GPC5: variants seen among roughly 807,000 people sequenced by gnomAD.
The protein encoded by GPC5 is glypican-5.
A neutral mutation model predicts 53.9 loss-of-function variants in GPC5; 47 were observed. That is an observed-to-expected ratio of 0.87 (90% CI 0.69 to 1.11). GPC5 has a LOEUF of 1.11. Ranked by LOEUF, GPC5 falls within the 50% of genes most tolerant of loss-of-function variation. The pLI is 0.00. For synonymous variants in GPC5, 286 were observed against 263.3 expected, an observed-to-expected ratio of 1.09 and a Z score of -0.84; for missense variants, 748 against 713.1, an observed-to-expected ratio of 1.05 and a Z score of -0.56.
rs549910266 is a variant in GPC5, at chr13:92,008,211, C to T, written c.1401+100154C>T. Among the ~76,000 whole-genome samples, 8 of 151,892 alleles carry T rather than the reference C, an allele frequency of 5.3e-5. No individual in the cohort carries two copies. The South Asian group carries it at 6.2e-4, about 12-fold the overall frequency. On this transcript the variant is annotated intron_variant, in intron 6 of 7. Transcript: ENST00000377067. ...CTGAGTAGCTGGGACTACAGGCGCC[C>T]GCTACCACGCCCGGCTAATTTTTTG...
At chr13:91,728,767 G>T in intron 4 of GPC5, 102 bp downstream of exon 4, 2 of 1,079,930 alleles carry the variant, frequency 1.9e-6, no homozygotes, top group Non-Finnish European at 2.5e-6. Flanking sequence ...ATTCAATATG[G>T]ACAAAAAAAA....
intron 7 of GPC5, among the ~76,000 whole-genome samples, chr13:92,148,426 C>T (rs948865177): frequency 2.6e-5 from 4 of 151,928 alleles, no homozygotes; most frequent in Non-Finnish European, 5.9e-5. Context: ...CTTATTTAAC[C>T]ATCTTACTGC....
chr13:92,002,804 G>A (rs1392738654), intron 6 of GPC5, among the ~76,000 whole-genome samples: 3 of 152,096 alleles, frequency 2.0e-5, no homozygotes, highest in Admixed American at 1.3e-4. Flanking sequence ...AGCAAAAACA[G>A]ACCCTTTCTT....
chr13:92,864,836 T>G (rs1879291176), intron 7 of GPC5, among the ~76,000 whole-genome samples: 1 of 152,192 alleles, frequency 6.6e-6, no homozygotes, highest in East Asian at 1.9e-4. Context: ...CATGTCTGAA[T>G]GCAGCACAGC....
At chr13:92,561,097 G>C (rs1357941520) in intron 7 of GPC5, among the ~76,000 whole-genome samples, 1 of 151,932 alleles carries the variant, frequency 6.6e-6, no homozygotes, top group Non-Finnish European at 1.5e-5. Context: ...ACCTTGGCTA[G>C]TTATGCATGG....
At chr13:92,856,087 G>C (rs557940384) in intron 7 of GPC5, among the ~76,000 whole-genome samples, 21 of 152,036 alleles carry the variant, frequency 1.4e-4, no homozygotes, top group South Asian at 2.1e-4. Context: ...TATCCCTGAT[G>C]AACATAGATG....
intron 6 of GPC5, among the ~76,000 whole-genome samples, chr13:91,931,507 G>T (rs541939576): frequency 8.5e-5 from 13 of 152,048 alleles, no homozygotes; most frequent in Admixed American, 3.9e-4. Flanking sequence ...TGTTCACATG[G>T]AATTTCTGTG....
intron 7 of GPC5, among the ~76,000 whole-genome samples, chr13:92,305,480 G>GT (rs985454897): frequency 1.3e-5 from 2 of 151,560 alleles, no homozygotes; most frequent in Admixed American, 1.3e-4. Context: ...GGATCAACTG[G>GT]TTTTTTAAAA....
intron 2 of GPC5, among the ~76,000 whole-genome samples, chr13:91,560,870 A>G (rs758210820): frequency 6.6e-6 from 1 of 152,082 alleles, no homozygotes; most frequent in Non-Finnish European, 1.5e-5. Flanking sequence ...CAATTTCCAG[A>G]CCAAAGTCAA....
intron 7 of GPC5, among the ~76,000 whole-genome samples, chr13:92,231,478 A>C: frequency 6.6e-6 from 1 of 152,074 alleles, no homozygotes; most frequent in Non-Finnish European, 1.5e-5. Context: ...AGATGCAGAG[A>C]CCCCTAAAGA....
intron 7 of GPC5, among the ~76,000 whole-genome samples, chr13:92,256,810 C>T (rs1357483956): frequency 1.6e-4 from 24 of 151,350 alleles, no homozygotes; most frequent in Non-Finnish European, 2.8e-4. Context: ...GTTTTGAAAA[C>T]ATGGAATCAA....
chr13:91,774,413 G>A (rs901915774), intron 5 of GPC5, among the ~76,000 whole-genome samples: 12 of 151,948 alleles, frequency 7.9e-5, no homozygotes, highest in Non-Finnish European at 1.3e-4. Flanking sequence ...TGAGGCTCTG[G>A]GCTACCACAT....
intron 2 of GPC5, among the ~76,000 whole-genome samples, chr13:91,450,293 G>T (rs1477032701): frequency 2.6e-5 from 4 of 152,142 alleles, no homozygotes; most frequent in Admixed American, 2.6e-4. Flanking sequence ...TTGTGATTTA[G>T]CTGAGTTAGA....
At chr13:91,954,027 A>C (rs891551639) in intron 6 of GPC5, among the ~76,000 whole-genome samples, 2 of 152,202 alleles carry the variant, frequency 1.3e-5, no homozygotes, top group African/African-American at 4.8e-5. Context: ...AGGAAAAAAA[A>C]CTTTCTTATG....
intron 7 of GPC5, among the ~76,000 whole-genome samples, chr13:92,411,256 C>T (rs952271367): frequency 2.0e-5 from 3 of 151,810 alleles, no homozygotes; most frequent in South Asian, 2.1e-4. Flanking sequence ...GGTGACATAG[C>T]GAGACTCTAT....
chr13:92,168,093 G>A (rs960872730), intron 7 of GPC5, among the ~76,000 whole-genome samples: 2 of 152,014 alleles, frequency 1.3e-5, no homozygotes, highest in Admixed American at 6.6e-5. Context: ...TCCAATCATG[G>A]CCCTGATAAA....
At chr13:92,325,652 A>G (rs1210456349) in intron 7 of GPC5, among the ~76,000 whole-genome samples, 2 of 152,110 alleles carry the variant, frequency 1.3e-5, no homozygotes, top group East Asian at 3.9e-4. Context: ...GAGCCACACA[A>G]TGGAATACTT....
At chr13:92,266,491 G>A (rs1473743939) in intron 7 of GPC5, among the ~76,000 whole-genome samples, 1 of 151,990 alleles carries the variant, frequency 6.6e-6, no homozygotes, top group Non-Finnish European at 1.5e-5. Context: ...AAAAAAATAA[G>A]ACAAAACAGA....
chr13:92,085,404 CTT>C (rs1369834744), intron 6 of GPC5, among the ~76,000 whole-genome samples: 7 of 152,138 alleles, frequency 4.6e-5, no homozygotes, highest in African/African-American at 1.7e-4. Flanking sequence ...ATTGTGAAGA[CTT>C]GAACTGTTTG....
Sources: allele counts gnomAD v4.1 joint callset (sites outside exome capture counted in the v4.1 genomes callset), GRCh38; gene constraint gnomAD v4.1.1; transcripts MANE v1.5; gene names NCBI Gene and HGNC (gene_info 2026-07-23, HGNC 2026-07-21).